The following GPS1 variants were observed in gnomAD, a reference collection of about 807,000 sequenced individuals.
The protein encoded by GPS1 is COP9 signalosome complex subunit 1.
A neutral mutation model predicts 60.0 loss-of-function variants in GPS1; 11 were observed. The ratio of observed to expected loss-of-function variants is 0.18; its 90% CI spans 0.12 to 0.30. GPS1 has a LOEUF of 0.30. GPS1 is among the 10% of genes least tolerant of loss of function. The probability of loss-of-function intolerance (pLI) is 1.00; values close to 1 mark genes in which losing one functional copy is unlikely to be tolerated. For synonymous variants in GPS1, 343 were observed against 269.8 expected, an observed-to-expected ratio of 1.27 and a Z score of -2.66; for missense variants, 543 against 669.2, an observed-to-expected ratio of 0.81 and a Z score of 2.08.
At chr17:82,053,508 G>T in intron 2 of GPS1, 142 bp downstream of exon 2, 1 of 610,402 alleles carries the variant, frequency 1.6e-6, no homozygotes, top group South Asian at 3.4e-5. Flanking sequence ...GAAACCATCA[G>T]CGTTTCTGAT....
intron 1 of GPS1, chr17:82,052,614 C>T: frequency 4.6e-6 from 4 of 871,284 alleles, no homozygotes; most frequent in Non-Finnish European, 6.8e-6. Context: ...CCGGGGCCTG[C>T]GGAGGGAGCC....
chr17:82,052,342 G>C, intron 1 of GPS1: 1 of 1,612,878 alleles, frequency 6.2e-7, no homozygotes, highest in Non-Finnish European at 8.5e-7. Context: ...CGGCCTCCTC[G>C]TCAGTGACAG....
upstream of GPS1, chr17:82,051,793 G>T: frequency 2.7e-6 from 3 of 1,124,420 alleles, no homozygotes; most frequent in South Asian, 1.3e-4. This position sits in a 1 kb window ranked among gnomAD's most constrained non-coding sequence, Gnocchi z 4.1. Flanking sequence ...CCGGCGCTGC[G>T]AGCGGAGAAC....
chr17:82,053,692 C>T (rs1018210346), intron 2 of GPS1, 176 bp from the exon 3 acceptor site: 6 of 655,942 alleles, frequency 9.1e-6, no homozygotes, highest in Admixed American at 3.1e-5. Flanking sequence ...CCCACCCCAG[C>T]GGTCTTCGTA....
chr17:82,052,561 G>C, intron 1 of GPS1: 2 of 1,393,592 alleles, frequency 1.4e-6, no homozygotes, highest in Middle Eastern at 2.6e-4. Flanking sequence ...CCGAGGACAG[G>C]GACTCAGTGC....
intron 3 of GPS1, chr17:82,054,303 TC>T: frequency 1.3e-6 from 1 of 797,392 alleles, no homozygotes; most frequent in Non-Finnish European, 1.9e-6. Context: ...CCTGCTGGTT[TC>T]CCCACCCGGC....
At chr17:82,052,641 T>C in intron 1 of GPS1, 1 of 727,470 alleles carries the variant, frequency 1.4e-6, no homozygotes. Flanking sequence ...TTGGTGCTTT[T>C]CCCGAAGGAG....
chr17:82,055,841 G>A lies in GPS1; in HGVS notation c.834+16G>A, dbSNP rs1425995224. ...CTTCCCTGAGGTGAGGAGCCCTCTG[G>A]GGACTTGGGAGGCAGAGCATGGGCT... On this transcript the variant is annotated intron_variant, in intron 7 of 12. Coordinates refer to ENST00000578552, the MANE Select transcript of GPS1 (RefSeq NM_001321092.3). 2 of 1,556,130 alleles carry A rather than the reference G, an allele frequency of 1.3e-6. No homozygotes were observed. Among genetic ancestry groups the A allele is most frequent in the African/African-American group, 1.4e-5 (1 of 73,518 alleles).
rs1185175374 is a variant in GPS1, at chr17:82,056,876, A to G, written c.1291A>G (p.Thr431Ala). The G allele has an allele frequency of 6.2e-7, 1 of 1,612,696 alleles. No homozygotes were observed. Among genetic ancestry groups the G allele is most frequent in the Non-Finnish European group, 8.5e-7 (1 of 1,179,932 alleles). Residue 431 changes from threonine (T) to alanine (A), a missense_variant, in exon 12 of 13, where the codon ACC (threonine) becomes GCC (alanine). This residue lies in a region of GPS1 where 291 missense variants were observed against 353.7 expected (regional missense o/e 0.82). Transcript: ENST00000578552. ...YARDVDQRST[T>A]FEKSLLMGKE... is the part of the protein sequence containing the mutation. The stretch of plus-strand genomic sequence containing the variant: ...CCGGGACGTGGATCAGCGCAGCACC[A>G]CCTTTGAGAAGTCTCTGTTGATGGG...
In GPS1 at chr17:82,056,704, G is replaced by A; in HGVS notation, c.1192G>A (p.Asp398Asn). The A allele has an allele frequency of 6.3e-7, 1 of 1,592,262 alleles. No homozygotes were observed. The highest frequency in any genetic ancestry group is 8.6e-7 in the Non-Finnish European group (1 of 1,168,350). ...CAATACCACGGTGGCCGCCCTGGAG[G>A]ACGAGCTGACGCAGCTAATCCTGGA... The part of the protein sequence containing the change: ...AFNTTVAALE[D>N]ELTQLILEGL... The change falls in exon 11 of 13, where the codon GAC becomes AAC. Residue 398 changes from aspartate to asparagine, a missense_variant. Physicochemically the swap from Asp to Asn is conservative, Grantham distance 23 (BLOSUM62 1). Transcript: ENST00000578552.
chr17:82,056,689 G>A lies in GPS1; in HGVS notation c.1177G>A (p.Val393Met), dbSNP rs756551335. 26 of 1,597,684 alleles carry A rather than the reference G, an allele frequency of 1.6e-5. No homozygotes were observed. The highest frequency in any genetic ancestry group is 2.1e-5 in the Non-Finnish European group (25 of 1,170,946). ...GATGGCGGCAGCCTTCAATACCACGGTGGCCGCCCTGGAGGACGAGCTGAC... is the reference window on the plus strand; with the variant it reads ...GATGGCGGCAGCCTTCAATACCACGATGGCCGCCCTGGAGGACGAGCTGAC... ...HRMAAAFNTT[V>M]AALEDELTQL... is the part of the protein sequence containing the mutation. Residue 393 changes from valine to methionine, a missense_variant, in exon 11 of 13, where the codon GTG (valine) becomes ATG (methionine). Val to Met is a conservative substitution (Grantham distance 21). This residue lies in a region of GPS1 where 291 missense variants were observed against 353.7 expected (regional missense o/e 0.82). Transcript: ENST00000578552.
At chr17:82,054,304 C>A in intron 3 of GPS1, 1 of 803,092 alleles carries the variant, frequency 1.2e-6, no homozygotes, top group Admixed American at 3.0e-5. Context: ...CTGCTGGTTT[C>A]CCCACCCGGC....
At chr17:82,052,596 C>G in intron 1 of GPS1, 1 of 1,072,868 alleles carries the variant, frequency 9.3e-7, no homozygotes, top group Non-Finnish European at 1.3e-6. Context: ...GAGGGAGCCC[C>G]GGTGGGCCCG....
chr17:82,055,545 T>C (rs1337291558), intron 6 of GPS1, 195 bp from the exon 7 acceptor site: 1 of 608,914 alleles, frequency 1.6e-6, no homozygotes, highest in Non-Finnish European at 2.9e-6. Flanking sequence ...GGGAGCCTCC[T>C]CAGCATTGGT....
At position 82,056,378 on chromosome 17, in the gene GPS1, T is replaced by C; in HGVS notation, c.1022T>C (p.Leu341Pro). Residue 341 changes from leucine (L) to proline (P), a missense_variant, in exon 9 of 13, where the codon CTG becomes CCG. Transcript: ENST00000578552. ...AAGTACGCCTCATGTCTCAAGATGC[T>C]GGACGAGATGAAGGTGGGCCCCGCC... is the stretch of plus-strand genomic sequence containing the variant. The part of the protein sequence containing the change: ...ESKYASCLKM[L>P]DEMKDNLLLD... The C allele has an allele frequency of 6.2e-7, 1 of 1,612,660 alleles. No individual in the cohort carries two copies. Among genetic ancestry groups the C allele is most frequent in the Non-Finnish European group, 8.5e-7 (1 of 1,179,696 alleles).
At chr17:82,052,556 G>C (rs1215846986) in intron 1 of GPS1, 10 of 1,423,504 alleles carry the variant, frequency 7.0e-6, no homozygotes. Context: ...GCTGGCCGAG[G>C]ACAGGGACTC....
Position 82,055,150 on chromosome 17 carries a change from T to C in GPS1, c.688-12T>C. The C allele has an allele frequency of 6.4e-7, 1 of 1,564,944 alleles. No individual in the cohort carries two copies. Among genetic ancestry groups the C allele is most frequent in the South Asian group, 1.2e-5 (1 of 85,624 alleles). ...GGAGCATGGGCCTCACGCATGTGGC[T>C]TCCTCCTACAGCAGCGAGGAGAGCG... On this transcript the variant is annotated splice_polypyrimidine_tract_variant and intron_variant, in intron 5 of 12. Transcript: ENST00000578552.
intron 2 of GPS1, 94 bp from the exon 3 acceptor site, chr17:82,053,774 C>G (rs2031761099): frequency 2.4e-6 from 3 of 1,274,742 alleles, no homozygotes; most frequent in Non-Finnish European, 3.2e-6. Flanking sequence ...GACATTCTGG[C>G]TAGGACAGTC....
chr17:82,054,936 C>T lies in GPS1; in HGVS notation c.648C>T (p.Ser216=), dbSNP rs756955316. The T allele has an allele frequency of 1.2e-6, 2 of 1,610,628 alleles. No homozygotes were observed. The highest frequency in any genetic ancestry group is 8.5e-7 in the Non-Finnish European group (1 of 1,178,618). Residue 216 remains serine (S), a synonymous_variant, in exon 5 of 13, where the codon AGC becomes AGT. Coordinates refer to ENST00000578552, the MANE Select transcript of GPS1 (RefSeq NM_001321092.3). The stretch of plus-strand genomic sequence containing the variant: ...TGCAGAATTGGTCTCATGTGCTCAG[C>T]TACGTCAGCAAGGCTGAGTCCACCC... The part of the protein sequence containing the change: ...VYLQNWSHVL[S]YVSKAESTPE...
Sources: gnomAD v4.1 joint callset for allele counts on GRCh38, gnomAD v4.1.1 for gene constraint, gnomAD v4.1.1 regional missense constraint, Gnocchi (gnomAD v3.1) non-coding constraint, MANE v1.5 for transcripts, NCBI Gene and HGNC (gene_info 2026-07-23, HGNC 2026-07-21) for gene names.